The following AGMO variants were observed in gnomAD, a reference collection of about 807,000 sequenced individuals.
AGMO encodes glyceryl-ether monooxygenase.
AGMO carries 75 observed loss-of-function variants against 60.2 expected under a neutral mutation model. The observed-to-expected ratio is 1.25, with a 90% confidence interval of 1.03 to 1.51. AGMO has a LOEUF of 1.51. Among genes scored for constraint, AGMO ranks in the 40% most tolerant of loss-of-function variants. The pLI, the probability that AGMO is intolerant of heterozygous loss-of-function variation, is 0.00. For synonymous variants in AGMO, 261 were observed against 177.1 expected (o/e 1.47, Z -3.76); for missense variants, 763 against 525.5 (o/e 1.45, Z -4.42).
At chr7:15,547,453 G>A (rs896062814) in intron 2 of AGMO, among the ~76,000 whole-genome samples, 2 of 151,986 alleles carry the variant, frequency 1.3e-5, no homozygotes, top group South Asian at 2.1e-4. Flanking sequence ...CAGGTCAGTG[G>A]GTGCGCGCAC....
intron 12 of AGMO, among the ~76,000 whole-genome samples, chr7:15,352,957 A>G (rs1325516350): frequency 1.3e-5 from 2 of 152,120 alleles, no homozygotes; most frequent in Admixed American, 1.3e-4. Context: ...CGCAGCGGCC[A>G]TCTTGTTACT....
chr7:15,313,402 C>T (rs895455138), intron 12 of AGMO, among the ~76,000 whole-genome samples: 1 of 152,140 alleles, frequency 6.6e-6, no homozygotes, highest in Non-Finnish European at 1.5e-5. Context: ...TTCAAAGATT[C>T]TAAAACTACT....
chr7:15,387,902 CTCT>C (rs1279665464), intron 8 of AGMO, among the ~76,000 whole-genome samples: 2 of 109,472 alleles, frequency 1.8e-5, no homozygotes, highest in Admixed American at 9.3e-5. Context: ...ATGACACATT[CTCT>C]TTTTTTTTTT....
At chr7:15,212,707 G>C (rs1781629640) in intron 12 of AGMO, among the ~76,000 whole-genome samples, 1 of 151,878 alleles carries the variant, frequency 6.6e-6, no homozygotes, top group Admixed American at 6.6e-5. Context: ...AGTATTCCCT[G>C]AAGTAACCAT....
At chr7:15,349,156 C>T (rs1782141569) in intron 12 of AGMO, among the ~76,000 whole-genome samples, 1 of 152,074 alleles carries the variant, frequency 6.6e-6, no homozygotes, top group Non-Finnish European at 1.5e-5. Context: ...TATATACAGG[C>T]CTATCATCAG....
the AGMO span, among the ~76,000 whole-genome samples, chr7:15,149,815 T>C: frequency 6.6e-6 from 1 of 152,136 alleles, no homozygotes; most frequent in Non-Finnish European, 1.5e-5. Context: ...TGGTTTTATA[T>C]GTATTTTAGA....
chr7:15,497,502 C>T (rs1783263720), intron 3 of AGMO, among the ~76,000 whole-genome samples: 2 of 152,204 alleles, frequency 1.3e-5, no homozygotes, highest in South Asian at 4.1e-4. Flanking sequence ...GAAAACTCCA[C>T]ACTGGCTTTG....
intron 12 of AGMO, among the ~76,000 whole-genome samples, chr7:15,314,437 T>A (rs1034452610): frequency 2.0e-5 from 3 of 152,160 alleles, no homozygotes; most frequent in Non-Finnish European, 4.4e-5. Flanking sequence ...TTAAAGTTTA[T>A]AAATGTTGAT....
At chr7:15,207,924 ACTCTGT>A (rs1002106785) in intron 12 of AGMO, among the ~76,000 whole-genome samples, 1 of 152,160 alleles carries the variant, frequency 6.6e-6, no homozygotes, top group Non-Finnish European at 1.5e-5. Context: ...ACAGTGCGAG[ACTCTGT>A]CTCAAAAAAA....
chr7:15,414,629 G>T (rs10263019), intron 5 of AGMO, among the ~76,000 whole-genome samples: 4 of 151,798 alleles, frequency 2.6e-5, no homozygotes, highest in African/African-American at 9.7e-5. Context: ...AAAAAAAATA[G>T]CACAAATATA....
At position 15,200,393 on chromosome 7, in the gene AGMO, C is replaced by T. The variant is rs528487733; in HGVS notation, c.*892G>A. On this transcript the variant is annotated 3_prime_UTR_variant, in exon 13 of 13. Transcript: ENST00000342526. Reference sequence around the variant, plus strand: ...TAATGCAGAATTGCTGCATGCTGCCCAGTCTGCCAAAACAAATTGACCAAG... The same window carrying T: ...TAATGCAGAATTGCTGCATGCTGCCTAGTCTGCCAAAACAAATTGACCAAG... 6.6e-6 allele frequency: 1 copy of T among 152,276 alleles called. No individual in the cohort carries two copies. Among genetic ancestry groups the T allele is most frequent in the African/African-American group, 2.4e-5 (1 of 41,564 alleles). The allele number at this position is 152,276 out of a possible 1,614,324, so 9.4% of individuals were successfully genotyped here. A position where few individuals can be genotyped will look rare whatever the true frequency, so the allele number is the denominator to read the frequency against.
At chr7:15,547,129 C>T (rs1035006986) in intron 2 of AGMO, among the ~76,000 whole-genome samples, 2 of 149,436 alleles carry the variant, frequency 1.3e-5, no homozygotes, top group African/African-American at 2.4e-5. Flanking sequence ...TCCTGTGCAT[C>T]ATAGAATGTA....
chr7:15,492,282 T>C (rs1043354453), intron 3 of AGMO, among the ~76,000 whole-genome samples: 1 of 146,940 alleles, frequency 6.8e-6, no homozygotes, highest in Non-Finnish European at 1.5e-5. Context: ...GAGTTAAGAC[T>C]AAGTCCTACT....
At chr7:15,230,461 C>G (rs1008698082) in intron 12 of AGMO, among the ~76,000 whole-genome samples, 2 of 152,124 alleles carry the variant, frequency 1.3e-5, no homozygotes, top group Non-Finnish European at 2.9e-5. Context: ...GGGACCTGTC[C>G]TATGGCAAGT....
chr7:15,524,818 C>A (rs76105900), intron 3 of AGMO, among the ~76,000 whole-genome samples: 2 of 149,264 alleles, frequency 1.3e-5, no homozygotes, highest in Admixed American at 6.7e-5. Context: ...GCTGAGATCA[C>A]GCCATTGCAC....
intron 12 of AGMO, among the ~76,000 whole-genome samples, chr7:15,210,926 T>A (rs916627734): frequency 6.6e-6 from 1 of 152,104 alleles, no homozygotes; most frequent in Admixed American, 6.6e-5. Flanking sequence ...AGTGATACTG[T>A]TAATTCAAAA....
intron 12 of AGMO, among the ~76,000 whole-genome samples, chr7:15,343,235 G>A (rs1781922107): frequency 6.6e-6 from 1 of 152,086 alleles, no homozygotes; most frequent in African/African-American, 2.4e-5. Flanking sequence ...TTTAATGACA[G>A]AATGTAGTAA....
At chr7:15,270,635 T>TTTTTG (rs1563063233) in intron 12 of AGMO, among the ~76,000 whole-genome samples, 2 of 116,300 alleles carry the variant, frequency 1.7e-5, no homozygotes, top group African/African-American at 6.8e-5. Context: ...TTTTTTTTTT[T>TTTTTG]TTGCTGTGCA....
chr7:15,231,327 T>C (rs1213706400), intron 12 of AGMO, among the ~76,000 whole-genome samples: 2 of 152,170 alleles, frequency 1.3e-5, no homozygotes, highest in Non-Finnish European at 2.9e-5. Flanking sequence ...TACGATAGTT[T>C]GATGGACTCT....
Sources: gnomAD v4.1 joint callset for allele counts (sites outside exome capture counted in the v4.1 genomes callset) on GRCh38, gnomAD v4.1.1 for gene constraint, MANE v1.5 for transcripts, NCBI Gene and HGNC (gene_info 2026-07-23, HGNC 2026-07-21) for gene names.